The following RAP1A variants were observed in gnomAD, a reference collection of about 807,000 sequenced individuals.
RAP1A encodes the protein ras-related protein Rap-1A.
Under a neutral mutation model 26.4 loss-of-function variants are expected in RAP1A, and 6 were observed. The ratio of observed to expected loss-of-function variants is 0.23; its 90% confidence interval spans 0.12 to 0.45. The LOEUF is 0.45. Among genes scored for constraint, RAP1A ranks in the 20% least tolerant of loss-of-function variants. The probability of loss-of-function intolerance (pLI) is 0.99; values close to 1 mark genes in which losing one functional copy is unlikely to be tolerated. For synonymous variants in RAP1A, 73 were observed against 79.4 expected (o/e 0.92, Z 0.43); for missense variants, 121 against 217.2 (o/e 0.56, Z 2.78).
chr1:111,674,188 C>T (rs1312530785), intron 1 of RAP1A, among the ~76,000 whole-genome samples: 2 of 152,026 alleles, frequency 1.3e-5, no homozygotes, highest in Non-Finnish European at 1.5e-5. Context: ...AAAATGTCAG[C>T]GATCCCCAGA....
At chr1:111,670,493 A>C (rs1277338241) in intron 1 of RAP1A, among the ~76,000 whole-genome samples, 2 of 152,122 alleles carry the variant, frequency 1.3e-5, no homozygotes, top group Non-Finnish European at 2.9e-5. Flanking sequence ...AAACAAAAAA[A>C]CCAAAAATGG....
At position 111,577,876 on chromosome 1, in the gene RAP1A, T is replaced by C. The variant is rs189955878; in HGVS notation, c.-28+35367T>C. On this transcript the variant is annotated intron_variant, in intron 1 of 7. Coordinates refer to the RAP1A transcript ENST00000356415. ...CTATATCCCTCCTCTCCACCCATCC[T>C]AAAGTCTACTACACTGCTTCTCTGT... Among the ~76,000 whole-genome samples, 13 of 152,302 alleles carry C rather than the reference T, an allele frequency of 8.5e-5. No individual in the cohort carries two copies. The South Asian group carries it at 1.2e-3, about 15-fold the overall frequency.
At chr1:111,693,897 C>CTT (rs11431985) in intron 2 of RAP1A, among the ~76,000 whole-genome samples, 34,557 of 145,388 alleles carry the variant, frequency 0.24, 4,061 homozygotes, top group South Asian at 0.26. Context: ...ATTAGACTGC[C>CTT]TTTTTTTTTT....
intron 1 of RAP1A, among the ~76,000 whole-genome samples, chr1:111,635,986 G>A (rs972369302): frequency 1.3e-5 from 2 of 151,972 alleles, no homozygotes; most frequent in Non-Finnish European, 2.9e-5. Flanking sequence ...TAATTAAGTG[G>A]GACGGTTAGT....
intron 1 of RAP1A, chr1:111,563,897 G>C: frequency 6.2e-7 from 1 of 1,613,804 alleles, no homozygotes; most frequent in Non-Finnish European, 8.5e-7. Flanking sequence ...CTCTTCCCAG[G>C]AGCTTTCCCA....
chr1:111,676,498 T>C (rs115938534), intron 1 of RAP1A, among the ~76,000 whole-genome samples: 443 of 152,186 alleles, frequency 2.9e-3, no homozygotes, highest in African/African-American at 0.01. Context: ...TATCAGTATG[T>C]ATCTAGTATT....
At chr1:111,691,838 G>A (rs2300543) in intron 2 of RAP1A, among the ~76,000 whole-genome samples, 8,995 of 152,218 alleles carry the variant, frequency 0.059, 609 homozygotes, top group African/African-American at 0.16. Context: ...TAGTTACTGA[G>A]TTTCTATAGT....
intron 1 of RAP1A, chr1:111,649,098 G>A (rs1660174438): frequency 3.3e-6 from 2 of 600,444 alleles, no homozygotes; most frequent in Non-Finnish European, 6.4e-6. Flanking sequence ...AAAGTCATCA[G>A]TAGCAAGATG....
At chr1:111,699,901 T>A (rs1041641327) in intron 4 of RAP1A, among the ~76,000 whole-genome samples, 2 of 152,162 alleles carry the variant, frequency 1.3e-5, no homozygotes, top group Non-Finnish European at 2.9e-5. Flanking sequence ...CATTTATAAT[T>A]CTCTTGAATA....
At chr1:111,636,909 T>C (rs919362940) in intron 1 of RAP1A, among the ~76,000 whole-genome samples, 1 of 152,210 alleles carries the variant, frequency 6.6e-6, no homozygotes, top group Non-Finnish European at 1.5e-5. Flanking sequence ...CAAATTAAAA[T>C]ATATTTCCTG....
At chr1:111,710,887 C>T (rs944434953) in intron 7 of RAP1A, among the ~76,000 whole-genome samples, 1 of 152,154 alleles carries the variant, frequency 6.6e-6, no homozygotes, top group African/African-American at 2.4e-5. Flanking sequence ...GGCTGGAGTA[C>T]AGTGGCACAC....
chr1:111,710,476 T>C (rs1485588028), intron 7 of RAP1A, among the ~76,000 whole-genome samples: 1 of 152,230 alleles, frequency 6.6e-6, no homozygotes, highest in African/African-American at 2.4e-5. Flanking sequence ...ATGGAGTGGA[T>C]TTATTACATA....
chr1:111,608,531 T>C (rs1658857166), intron 1 of RAP1A: 2 of 167,974 alleles, frequency 1.2e-5, no homozygotes, highest in South Asian at 2.2e-4. Context: ...TCTCGGCACT[T>C]AGGGAGGCCA....
chr1:111,680,682 G>T (rs181683208), intron 1 of RAP1A: 105 of 153,832 alleles, frequency 6.8e-4, no homozygotes, highest in African/African-American at 2.5e-3. Flanking sequence ...CCAGAGGAAG[G>T]AGCAGGTAGC....
At chr1:111,682,508 A>G (rs1661329851) in intron 1 of RAP1A, among the ~76,000 whole-genome samples, 1 of 151,872 alleles carries the variant, frequency 6.6e-6, no homozygotes. Flanking sequence ...GAAAGCCAAA[A>G]AAAAAAAAAA....
intron 1 of RAP1A, among the ~76,000 whole-genome samples, chr1:111,655,706 C>T (rs1030754986): frequency 4.1e-5 from 5 of 122,348 alleles, no homozygotes; most frequent in Non-Finnish European, 6.3e-5. Flanking sequence ...CTCGCTCTGT[C>T]GCCCAGGCTG....
At chr1:111,588,235 T>A (rs1658415825) in intron 1 of RAP1A, among the ~76,000 whole-genome samples, 1 of 152,216 alleles carries the variant, frequency 6.6e-6, no homozygotes, top group Non-Finnish European at 1.5e-5. Flanking sequence ...TTAGAGCCTG[T>A]AAGCCACCCT....
chr1:111,634,459 C>G (rs995866303), intron 1 of RAP1A, among the ~76,000 whole-genome samples: 3 of 150,780 alleles, frequency 2.0e-5, no homozygotes, highest in African/African-American at 7.3e-5. Context: ...AGAATATAGG[C>G]TAAAAGGAAA....
intron 1 of RAP1A, among the ~76,000 whole-genome samples, chr1:111,643,872 T>A (rs1458664490): frequency 2.6e-5 from 4 of 152,244 alleles, no homozygotes; most frequent in Non-Finnish European, 4.4e-5. Context: ...AATTGGCTTA[T>A]GTGATTGTGG....
Sources: gnomAD v4.1 joint callset for allele counts (sites outside exome capture counted in the v4.1 genomes callset) on GRCh38, gnomAD v4.1.1 for gene constraint, MANE v1.5 for transcripts, NCBI Gene and HGNC (gene_info 2026-07-23, HGNC 2026-07-21) for gene names.